The following CD99 variants were observed in gnomAD, a reference collection of about 807,000 sequenced individuals.
The protein encoded by CD99 is CD99 antigen.
Under a neutral mutation model 28.4 loss-of-function variants are expected in CD99, and 19 were observed. The ratio of observed to expected loss-of-function variants is 0.67; its 90% CI spans 0.47 to 0.98. The LOEUF is 0.98. Ranked by LOEUF, CD99 falls within the 50% of genes least tolerant of loss-of-function variation. The probability of loss-of-function intolerance (pLI) is 0.00; values close to 1 mark genes in which losing one functional copy is unlikely to be tolerated. For missense variants in CD99, 283 were observed against 248.8 expected (o/e 1.14, Z -0.92); for synonymous variants, 103 against 92.1 (o/e 1.12, Z -0.67).
At chrX:2,735,779 CCTCT>C (rs1260105561) in intron 8 of CD99, among the ~76,000 whole-genome samples, 1 of 152,106 alleles carries the variant, frequency 6.6e-6, no homozygotes, top group Non-Finnish European at 1.5e-5. Context: ...AGGGGGTTTT[CCTCT>C]CTTTTTCTTA....
rs775849730 is a variant in CD99, at chrX:2,723,300, T to C, written c.311-14T>C. 3 of 1,613,632 alleles carry C rather than the reference T, an allele frequency of 1.9e-6. No individual in the cohort carries two copies. The highest frequency in any genetic ancestry group is 1.3e-5 in the African/African-American group (1 of 74,896). On this transcript the variant is annotated splice_polypyrimidine_tract_variant and intron_variant, in intron 6 of 9. Coordinates refer to ENST00000381192, the MANE Select transcript of CD99 (RefSeq NM_002414.5). ...CCAAACCTTCCCATTGCAGACGTTGTTTTTGTCTTGCAGGAAAAGGAGGCA... is the reference window on the plus strand; with the variant it reads ...CCAAACCTTCCCATTGCAGACGTTGCTTTTGTCTTGCAGGAAAAGGAGGCA...
rs771793015 is a variant in CD99, at chrX:2,740,796, G to C, written c.550G>C (p.Glu184Gln). ...AEPAVQRTLL[E>Q]K Reference sequence around the variant, plus strand: ...TCCCACAGTTCAGCGTACTCTTTTAGAGAAATAGAAGATTGTCGGCAGAAA... The same window carrying C: ...TCCCACAGTTCAGCGTACTCTTTTACAGAAATAGAAGATTGTCGGCAGAAA... Residue 184 changes from glutamate (E) to glutamine (Q), a missense_variant, in exon 10 of 10, where the codon GAG (glutamate) becomes CAG (glutamine). Coordinates refer to ENST00000381192, the MANE Select transcript of CD99 (RefSeq NM_002414.5). 2.5e-6 allele frequency: 4 copies of C among 1,613,822 alleles called. No homozygotes were observed. The highest frequency in any genetic ancestry group is 3.4e-6 in the Non-Finnish European group (4 of 1,179,872).
rs748864510 is a variant in CD99, at chrX:2,726,245, T to C, written c.362-15T>C. The C allele has an allele frequency of 1.4e-5, 21 of 1,543,634 alleles. No individual in the cohort carries two copies. The South Asian group carries it at 2.3e-4, about 17-fold the overall frequency. On this transcript the variant is annotated splice_polypyrimidine_tract_variant and intron_variant, in intron 7 of 9. Transcript: ENST00000381192. ...TGCGTGTCTCAATCACGATGCTGTG[T>C]GCTTCCTCCTGCAGCCGACGCCCCA... is the stretch of plus-strand genomic sequence containing the variant.
At chrX:2,709,369 A>G in intron 1 of CD99, among the ~76,000 whole-genome samples, 1 of 152,312 alleles carries the variant, frequency 6.6e-6, no homozygotes, top group African/African-American at 2.4e-5. Flanking sequence ...GTGTGTGCTC[A>G]GATAGCACCC....
rs988034354 is a variant in CD99, at chrX:2,722,737, A to G, written c.310+63A>G. On this transcript the variant is annotated intron_variant, in intron 6 of 9. Coordinates refer to ENST00000381192, the MANE Select transcript of CD99 (RefSeq NM_002414.5). Reference sequence around the variant, plus strand: ...ATCCCATGATGCCCACCTGCTCTGTAGAATCACTACAGGGTCTAAACTGTC... The same window carrying G: ...ATCCCATGATGCCCACCTGCTCTGTGGAATCACTACAGGGTCTAAACTGTC... 9.4e-6 allele frequency: 14 copies of G among 1,483,102 alleles called. No individual in the cohort carries two copies. In the African/African-American group the frequency reaches 1.5e-4, roughly 16 times the overall value. 91.9% of individuals were successfully genotyped at this position (1,483,102 alleles called of 1,614,324 possible).
rs185316107 is a variant in CD99, at chrX:2,739,132, G to C, written c.532+876G>C. Among the ~76,000 whole-genome samples, 693 of 152,178 alleles carry C rather than the reference G, an allele frequency of 4.6e-3. 8 individuals are homozygous for C. The highest frequency in any genetic ancestry group is 0.016 in the African/African-American group (649 of 41,526). The stretch of plus-strand genomic sequence containing the variant: ...AACCCTCCGACCTCAGCTTCCCAGA[G>C]TGCTGGGGTTCTAGGCGTGAACTAC... On this transcript the variant is annotated intron_variant, in intron 9 of 9. Transcript: ENST00000381192.
chrX:2,693,369 G>A (rs945231224), intron 1 of CD99, among the ~76,000 whole-genome samples: 1 of 152,022 alleles, frequency 6.6e-6, no homozygotes, highest in African/African-American at 2.4e-5. Context: ...AGAGCAGTGG[G>A]ATAGGGGCAT....
intron 8 of CD99, chrX:2,733,516 A>C: frequency 1.2e-6 from 1 of 844,368 alleles, no homozygotes; most frequent in Non-Finnish European, 1.9e-6. Context: ...GGGATTCTCA[A>C]TCACATGGCG....
chrX:2,693,191 G>C (rs1215469351), intron 1 of CD99, among the ~76,000 whole-genome samples: 2 of 151,814 alleles, frequency 1.3e-5, no homozygotes, highest in South Asian at 4.2e-4. Context: ...TCACCAGTCT[G>C]GAGTGTAGTG....
chrX:2,711,159 C>T (rs2048384053), intron 1 of CD99, among the ~76,000 whole-genome samples: 1 of 149,698 alleles, frequency 6.7e-6, no homozygotes, highest in African/African-American at 2.4e-5. Context: ...GTGTGAGCCA[C>T]CGCACCCGGC....
chrX:2,717,936 CCT>C, intron 3 of CD99: 1 of 313,632 alleles, frequency 3.2e-6, no homozygotes, highest in Non-Finnish European at 5.5e-6. Context: ...GATTTTCTTC[CCT>C]TTTTTTTTTT....
intron 1 of CD99, among the ~76,000 whole-genome samples, chrX:2,713,077 C>T (rs191146198): frequency 0.027 from 4,063 of 151,552 alleles, 149 homozygotes; most frequent in East Asian, 0.14. Context: ...AACATATTGA[C>T]ACATGCACAC....
intron 1 of CD99, among the ~76,000 whole-genome samples, chrX:2,699,704 G>A (rs780000083): frequency 1.3e-5 from 2 of 152,252 alleles, no homozygotes; most frequent in South Asian, 2.1e-4. Context: ...CCATCCACCT[G>A]CCTTGGCCTG....
At chrX:2,723,438 CT>C in intron 7 of CD99, 74 bp downstream of exon 7, 1 of 1,535,006 alleles carries the variant, frequency 6.5e-7, no homozygotes, top group South Asian at 1.1e-5. Flanking sequence ...TGTCTGAGAG[CT>C]GGCGGACTGC....
chrX:2,720,904 G>A (rs1257048348), intron 5 of CD99, among the ~76,000 whole-genome samples: 1 of 152,184 alleles, frequency 6.6e-6, no homozygotes, highest in Non-Finnish European at 1.5e-5. Flanking sequence ...GGGATGACAG[G>A]TGTGAGCCAC....
intron 1 of CD99, among the ~76,000 whole-genome samples, chrX:2,695,543 C>G (rs2047532405): frequency 6.6e-6 from 1 of 151,988 alleles, no homozygotes. Context: ...TCTGTAGTAG[C>G]TGGGACTACA....
chrX:2,723,460 G>A, intron 7 of CD99, 96 bp downstream of exon 7: 2 of 1,382,904 alleles, frequency 1.4e-6, no homozygotes, highest in Non-Finnish European at 2.1e-6. Flanking sequence ...ACTGGCATTG[G>A]CCTCCTAAAG....
chrX:2,691,830 C>T (rs775829166), intron 1 of CD99: 1 of 777,438 alleles, frequency 1.3e-6, no homozygotes, highest in Non-Finnish European at 2.4e-6. Context: ...GGAGGCCGCC[C>T]TGGAGTTGCC....
At chrX:2,705,148 C>T (rs1481210433) in intron 1 of CD99, among the ~76,000 whole-genome samples, 4 of 152,218 alleles carry the variant, frequency 2.6e-5, no homozygotes, top group Admixed American at 1.3e-4. Flanking sequence ...TCACCCACTG[C>T]GTTCATAGCT....
Sources: gnomAD v4.1 joint callset for allele counts (sites outside exome capture counted in the v4.1 genomes callset) on GRCh38, gnomAD v4.1.1 for gene constraint, MANE v1.5 for transcripts, NCBI Gene and HGNC (gene_info 2026-07-23, HGNC 2026-07-21) for gene names.